The following SRGAP3 variants were observed in gnomAD, a reference collection of about 807,000 sequenced individuals.
The protein encoded by SRGAP3 is SLIT-ROBO Rho GTPase activating protein 3.
Under a neutral mutation model 121.1 loss-of-function variants are expected in SRGAP3, and 39 were observed. The ratio of observed to expected loss-of-function variants is 0.32; its 90% CI spans 0.25 to 0.42. The LOEUF (loss-of-function observed/expected upper bound fraction) is 0.42. Ranked by LOEUF, SRGAP3 falls within the 10% of genes least tolerant of loss-of-function variation. SRGAP3 has a pLI of 1.00. For missense variants in SRGAP3, 1,213 were observed against 1,470.6 expected (o/e 0.82, Z 2.86); for synonymous variants, 601 against 570.0 (o/e 1.05, Z -0.77).
chr3:9,300,117 C>T (rs1015450220), intron 3 of SRGAP3, among the ~76,000 whole-genome samples: 9 of 22,010 alleles, frequency 4.1e-4, no homozygotes, highest in Admixed American at 9.7e-4. Context: ...GTCTGGCATA[C>T]GCTAAGTGCT....
intron 1 of SRGAP3, among the ~76,000 whole-genome samples, chr3:9,243,559 C>T (rs562755356): frequency 2.5e-4 from 37 of 150,406 alleles, no homozygotes; most frequent in Non-Finnish European, 3.1e-4. Flanking sequence ...TGCTTGAACT[C>T]GGGAGGCAGA....
At chr3:9,199,166 C>T (rs1033785106) in intron 1 of SRGAP3, among the ~76,000 whole-genome samples, 2 of 152,176 alleles carry the variant, frequency 1.3e-5, no homozygotes, top group African/African-American at 4.8e-5. Context: ...TCAAGGGCTC[C>T]GTTATCAGAG....
chr3:9,080,281 T>C (rs1365859481), intron 3 of SRGAP3, among the ~76,000 whole-genome samples, 194 bp from the exon 4 acceptor site: 2 of 151,334 alleles, frequency 1.3e-5, no homozygotes, highest in African/African-American at 4.9e-5. Flanking sequence ...CAGAGAGAGG[T>C]TCCTTGCAGA....
At chr3:9,147,718 C>A (rs79922094) in intron 1 of SRGAP3, among the ~76,000 whole-genome samples, 12 of 152,172 alleles carry the variant, frequency 7.9e-5, no homozygotes, top group African/African-American at 2.4e-4. Context: ...TTTTGCTCTG[C>A]GGGAATTGGA....
intron 1 of SRGAP3, among the ~76,000 whole-genome samples, chr3:9,179,413 T>C (rs1326415618): frequency 3.3e-5 from 5 of 152,116 alleles, no homozygotes; most frequent in Non-Finnish European, 7.4e-5. Context: ...ATCTGGAAAG[T>C]AGAGGTAATA....
chr3:9,310,719 C>T (rs111393372), intron 3 of SRGAP3, among the ~76,000 whole-genome samples: 8 of 152,298 alleles, frequency 5.3e-5, no homozygotes, highest in African/African-American at 1.9e-4. Context: ...AAGGATCAAA[C>T]TAGGTCTTTA....
intron 1 of SRGAP3, among the ~76,000 whole-genome samples, chr3:9,346,721 A>C (rs150881470): frequency 6.6e-6 from 1 of 151,700 alleles, no homozygotes; most frequent in East Asian, 1.9e-4. Context: ...TCAAGGGAGG[A>C]ACAAGAATAG....
intron 18 of SRGAP3, among the ~76,000 whole-genome samples, chr3:9,006,235 C>T (rs189294390): frequency 2.3e-4 from 35 of 151,990 alleles, no homozygotes; most frequent in African/African-American, 7.5e-4. Flanking sequence ...CCCGTCTCTA[C>T]TAAAAAATAC....
chr3:9,248,060 A>G (rs1209031196), intron 1 of SRGAP3, among the ~76,000 whole-genome samples: 2 of 152,190 alleles, frequency 1.3e-5, no homozygotes, highest in African/African-American at 4.8e-5. Context: ...AGAAGTATAC[A>G]CCCGGTGGCA....
At chr3:9,101,128 G>A (rs868215903) in intron 3 of SRGAP3, among the ~76,000 whole-genome samples, 1 of 152,248 alleles carries the variant, frequency 6.6e-6, no homozygotes, top group African/African-American at 2.4e-5. Context: ...GATCACGGAT[G>A]TTCCCACATG....
chr3:9,244,236 T>G (rs935285539), intron 1 of SRGAP3, among the ~76,000 whole-genome samples: 20 of 152,316 alleles, frequency 1.3e-4, no homozygotes, highest in African/African-American at 4.8e-4. Flanking sequence ...AAGAAAACTC[T>G]TAGAAAGCAA....
chr3:9,168,476 T>G (rs1950870298), intron 1 of SRGAP3, among the ~76,000 whole-genome samples: 1 of 152,238 alleles, frequency 6.6e-6, no homozygotes, highest in South Asian at 2.1e-4. Flanking sequence ...ACATCACGCA[T>G]GAGCAGGATG....
At chr3:9,243,089 T>C (rs1328906114) in intron 1 of SRGAP3, among the ~76,000 whole-genome samples, 7 of 152,144 alleles carry the variant, frequency 4.6e-5, no homozygotes, top group Admixed American at 4.6e-4. Flanking sequence ...CAAGAGTTCG[T>C]GGCCAAAGAC....
At chr3:9,347,438 T>C (rs1955910249) in intron 1 of SRGAP3, among the ~76,000 whole-genome samples, 1 of 152,162 alleles carries the variant, frequency 6.6e-6, no homozygotes, top group Non-Finnish European at 1.5e-5. Context: ...CAGAAGAATA[T>C]ATGCAGGACT....
chr3:9,135,250 A>G (rs1949601536), intron 1 of SRGAP3, among the ~76,000 whole-genome samples: 2 of 152,334 alleles, frequency 1.3e-5, no homozygotes, highest in African/African-American at 4.8e-5. Flanking sequence ...ATCATTTATT[A>G]TAACTTCTTT....
intron 3 of SRGAP3, among the ~76,000 whole-genome samples, chr3:9,269,685 C>T (rs1954436369): frequency 6.6e-6 from 1 of 152,168 alleles, no homozygotes; most frequent in South Asian, 2.1e-4. Flanking sequence ...TGTGGTCAGG[C>T]TGGGAAACAG....
intron 3 of SRGAP3, among the ~76,000 whole-genome samples, chr3:9,080,459 C>T (rs916946268): frequency 5.9e-5 from 9 of 152,214 alleles, no homozygotes; most frequent in Admixed American, 2.6e-4. Context: ...CTTGCACAAT[C>T]CTCATGAATG....
intron 10 of SRGAP3, among the ~76,000 whole-genome samples, chr3:9,046,818 T>G (rs955507179): frequency 2.7e-5 from 4 of 150,222 alleles, no homozygotes; most frequent in African/African-American, 9.8e-5. Flanking sequence ...GTGGTTGGCC[T>G]CTATTTTCTT....
intron 1 of SRGAP3, among the ~76,000 whole-genome samples, chr3:9,233,190 TA>T (rs1319896668): frequency 6.6e-6 from 1 of 152,250 alleles, no homozygotes; most frequent in African/African-American, 2.4e-5. Context: ...AGTGAGGTGT[TA>T]TTATGTCCCT....
Sources: gnomAD v4.1 joint callset for allele counts (sites outside exome capture counted in the v4.1 genomes callset) on GRCh38, gnomAD v4.1.1 for gene constraint, MANE v1.5 for transcripts, NCBI Gene and HGNC (gene_info 2026-07-23, HGNC 2026-07-21) for gene names.